Variants in EYS observed in about 807,000 individuals in gnomAD.
EYS encodes the protein protein eyes shut homolog.
A neutral mutation model predicts 282.1 loss-of-function variants in EYS; 250 were observed. The observed-to-expected ratio is 0.89, with a 90% confidence interval of 0.80 to 0.98. The LOEUF is 0.98. Ranked by LOEUF, EYS falls within the 50% of genes least tolerant of loss-of-function variation. The pLI is 0.00. For synonymous variants in EYS, 1,355 were observed against 1,282.9 expected (o/e 1.06, Z -1.20); for missense variants, 4,016 against 3,709.0 (o/e 1.08, Z -2.15).
At chr6:65,041,926 T>C (rs183592031) in intron 13 of EYS, among the ~76,000 whole-genome samples, 21 of 151,868 alleles carry the variant, frequency 1.4e-4, no homozygotes, top group African/African-American at 5.1e-4. Context: ...GGCACAAAAC[T>C]GTTTTATTTA....
At chr6:64,499,882 G>A (rs935200800) in intron 26 of EYS, among the ~76,000 whole-genome samples, 40 of 152,178 alleles carry the variant, frequency 2.6e-4, no homozygotes, top group Non-Finnish European at 3.1e-4. Flanking sequence ...GAAATGCCGT[G>A]CTCATTGAAG....
At chr6:64,339,887 G>C (rs1771027806) in intron 29 of EYS, among the ~76,000 whole-genome samples, 1 of 151,568 alleles carries the variant, frequency 6.6e-6, no homozygotes, top group African/African-American at 2.4e-5. Flanking sequence ...GTGGACTTTG[G>C]GGACCTGGCG....
intron 2 of EYS, among the ~76,000 whole-genome samples, chr6:65,603,033 T>G (rs994418158): frequency 1.3e-5 from 2 of 151,938 alleles, no homozygotes; most frequent in Non-Finnish European, 2.9e-5. Context: ...TAACTGAGAT[T>G]CAGAAATGTG....
intron 22 of EYS, among the ~76,000 whole-genome samples, chr6:64,654,885 G>C (rs1218927712): frequency 6.6e-6 from 1 of 152,138 alleles, no homozygotes; most frequent in Non-Finnish European, 1.5e-5. Context: ...GCTGCACCTT[G>C]GGATTCATAT....
intron 12 of EYS, among the ~76,000 whole-genome samples, chr6:65,266,175 G>C (rs905097556): frequency 9.2e-5 from 14 of 151,762 alleles, no homozygotes; most frequent in Non-Finnish European, 1.9e-4. Context: ...TGGTATAACT[G>C]TTCAATCAAC....
At chr6:65,623,930 T>C (rs1010690096) in intron 2 of EYS, among the ~76,000 whole-genome samples, 1 of 152,182 alleles carries the variant, frequency 6.6e-6, no homozygotes, top group Non-Finnish European at 1.5e-5. Context: ...AGTAATCACA[T>C]GGAAGAATGT....
chr6:65,702,503 C>A (rs887599553), intron 1 of EYS, among the ~76,000 whole-genome samples: 1 of 152,010 alleles, frequency 6.6e-6, no homozygotes, highest in Non-Finnish European at 1.5e-5. Context: ...ACCAGCCTAG[C>A]CAACACGGTG....
At chr6:64,492,993 A>T (rs1402905171) in intron 26 of EYS, among the ~76,000 whole-genome samples, 1 of 151,424 alleles carries the variant, frequency 6.6e-6, no homozygotes, top group Non-Finnish European at 1.5e-5. Context: ...GAGACTGAAC[A>T]CAAAATATGA....
At chr6:64,229,376 TA>T (rs1353014617) in intron 31 of EYS, among the ~76,000 whole-genome samples, 7 of 152,144 alleles carry the variant, frequency 4.6e-5, no homozygotes, top group African/African-American at 1.7e-4. Flanking sequence ...AATGTAGATC[TA>T]AAACAGCTTT....
At chr6:64,068,506 G>A (rs1038006354) in intron 32 of EYS, among the ~76,000 whole-genome samples, 1 of 138,894 alleles carries the variant, frequency 7.2e-6, no homozygotes, top group Non-Finnish European at 1.5e-5. Context: ...ATGTTTAAAT[G>A]TTGTGGGGTG....
intron 31 of EYS, among the ~76,000 whole-genome samples, chr6:64,093,866 A>T (rs1407658580): frequency 6.6e-6 from 1 of 152,284 alleles, no homozygotes; most frequent in African/African-American, 2.4e-5. Flanking sequence ...GTTTTTGCCC[A>T]GTCAGTGTGA....
intron 1 of EYS, among the ~76,000 whole-genome samples, chr6:65,688,039 T>A (rs1327889286): frequency 6.6e-6 from 1 of 151,904 alleles, no homozygotes; most frequent in East Asian, 1.9e-4. Context: ...TGCCTCCCCA[T>A]CAATCTACCA....
intron 11 of EYS, chr6:65,332,412 A>C (rs777779280): frequency 9.1e-5 from 124 of 1,369,398 alleles, no homozygotes; most frequent in Middle Eastern, 1.8e-4. Flanking sequence ...CGTGTTGAGG[A>C]TTCTTCTGTG....
chr6:63,892,537 C>T (rs545764678), intron 35 of EYS, among the ~76,000 whole-genome samples: 36 of 152,268 alleles, frequency 2.4e-4, no homozygotes, highest in African/African-American at 8.4e-4. Context: ...ATGCAGAAAA[C>T]TGAAACTGGA....
intron 31 of EYS, among the ~76,000 whole-genome samples, chr6:64,221,840 G>A (rs577392258): frequency 1.6e-4 from 24 of 152,112 alleles, no homozygotes; most frequent in South Asian, 4.1e-4. Context: ...CCAATCTCCC[G>A]TAAATACAAA....
intron 13 of EYS, among the ~76,000 whole-genome samples, chr6:65,010,899 C>T (rs1403565488): frequency 6.6e-6 from 1 of 152,076 alleles, no homozygotes; most frequent in Non-Finnish European, 1.5e-5. Context: ...AAAGAGGTGG[C>T]TGTCTTACAC....
chr6:65,558,738 G>A (rs1768915154), intron 2 of EYS, among the ~76,000 whole-genome samples: 1 of 152,206 alleles, frequency 6.6e-6, no homozygotes, highest in South Asian at 2.1e-4. Flanking sequence ...TTGACCCCAA[G>A]ATGCACTGTC....
At chr6:65,367,476 C>T (rs572174358) in intron 8 of EYS, among the ~76,000 whole-genome samples, 1 of 151,618 alleles carries the variant, frequency 6.6e-6, no homozygotes, top group Non-Finnish European at 1.5e-5. Flanking sequence ...TAGTGACATT[C>T]TCAATTTCTC....
At chr6:65,689,292 C>T (rs1014446419) in intron 1 of EYS, among the ~76,000 whole-genome samples, 4 of 149,528 alleles carry the variant, frequency 2.7e-5, no homozygotes, top group African/African-American at 9.8e-5. Context: ...CCAAACACCG[C>T]ATGTTCTCAC....
Sources: allele counts gnomAD v4.1 joint callset (sites outside exome capture counted in the v4.1 genomes callset), GRCh38; gene constraint gnomAD v4.1.1; transcripts MANE v1.5; gene names NCBI Gene and HGNC (gene_info 2026-07-23, HGNC 2026-07-21).